The following BAIAP2L1 variants were observed in gnomAD, a reference collection of about 807,000 sequenced individuals.
The protein encoded by BAIAP2L1 is BAR/IMD domain-containing adapter protein 2-like 1.
BAIAP2L1 carries 35 observed loss-of-function variants against 66.3 expected under a neutral mutation model. The ratio of observed to expected loss-of-function variants is 0.53; its 90% CI spans 0.40 to 0.70. BAIAP2L1 has a LOEUF of 0.70. BAIAP2L1 is among the 30% of genes least tolerant of loss of function. BAIAP2L1 has a pLI of 0.00. For synonymous variants in BAIAP2L1, 269 were observed against 248.7 expected, an observed-to-expected ratio of 1.08 and a Z score of -0.77; for missense variants, 622 against 656.9, an observed-to-expected ratio of 0.95 and a Z score of 0.58.
At chr7:98,353,598 T>C (rs1172518826) in intron 3 of BAIAP2L1, among the ~76,000 whole-genome samples, 1 of 137,500 alleles carries the variant, frequency 7.3e-6, no homozygotes, top group Non-Finnish European at 1.5e-5. Context: ...TTTATATATG[T>C]ATATTATATG....
chr7:98,367,115 C>T (rs1248135005), intron 1 of BAIAP2L1, among the ~76,000 whole-genome samples: 2 of 150,866 alleles, frequency 1.3e-5, no homozygotes, highest in African/African-American at 4.9e-5. Context: ...CTGGTCTGTC[C>T]ACAGCTGTTA....
At chr7:98,372,164 T>G (rs1295844546) in intron 1 of BAIAP2L1, among the ~76,000 whole-genome samples, 2 of 151,770 alleles carry the variant, frequency 1.3e-5, no homozygotes, top group African/African-American at 4.8e-5. Context: ...CCCAGCACTT[T>G]GGGAGGCAAG....
chr7:98,393,824 G>A (rs1459021709), intron 1 of BAIAP2L1, among the ~76,000 whole-genome samples: 6 of 149,212 alleles, frequency 4.0e-5, no homozygotes, highest in African/African-American at 1.5e-4. Context: ...TTTGGACCAG[G>A]CGCAGTGAGG....
intron 3 of BAIAP2L1, among the ~76,000 whole-genome samples, chr7:98,327,766 T>C (rs1351665485): frequency 1.3e-5 from 2 of 152,228 alleles, no homozygotes; most frequent in Non-Finnish European, 2.9e-5. Context: ...CAATTCTTTA[T>C]TGCACTACTA....
chr7:98,387,395 G>A (rs1016489599), intron 1 of BAIAP2L1, among the ~76,000 whole-genome samples: 2 of 152,130 alleles, frequency 1.3e-5, no homozygotes, highest in African/African-American at 2.4e-5. Flanking sequence ...AGCTCAGCCC[G>A]TACCTAACAG....
At chr7:98,353,514 T>C (rs997240646) in intron 3 of BAIAP2L1, among the ~76,000 whole-genome samples, 5 of 135,122 alleles carry the variant, frequency 3.7e-5, no homozygotes, top group Non-Finnish European at 7.7e-5. Context: ...ATATTATAAA[T>C]ACACATATAT....
At chr7:98,336,412 G>C (rs750652992) in intron 3 of BAIAP2L1, among the ~76,000 whole-genome samples, 5 of 152,126 alleles carry the variant, frequency 3.3e-5, no homozygotes, top group South Asian at 2.1e-4. Flanking sequence ...TCAGGAGTTC[G>C]AGACCAGCCT....
rs534383514 is a variant in BAIAP2L1, at chr7:98,346,912, G to A, written c.214+8130C>T. On this transcript the variant is annotated intron_variant, in intron 3 of 13. Transcript: ENST00000005260. ...GGATGAACGGCCACAGGAACTGAGT[G>A]AGGCCAAAACTTACCAACATAATTG... Among the ~76,000 whole-genome samples, 20 of 152,280 alleles carry A rather than the reference G, an allele frequency of 1.3e-4. No homozygotes were observed. In the South Asian group the frequency reaches 4.2e-3, roughly 32 times the overall value.
intron 3 of BAIAP2L1, among the ~76,000 whole-genome samples, chr7:98,325,249 G>T (rs1391985545): frequency 6.6e-6 from 1 of 152,108 alleles, no homozygotes; most frequent in African/African-American, 2.4e-5. Flanking sequence ...TGGGCATGGT[G>T]GCAGGTGCCT....
intron 3 of BAIAP2L1, among the ~76,000 whole-genome samples, chr7:98,326,149 T>A (rs1801377219): frequency 6.6e-6 from 1 of 152,110 alleles, no homozygotes; most frequent in Non-Finnish European, 1.5e-5. Flanking sequence ...TGGTGGTGTG[T>A]GCCTGTGGTC....
At chr7:98,329,954 C>G (rs1801455864) in intron 3 of BAIAP2L1, among the ~76,000 whole-genome samples, 1 of 152,170 alleles carries the variant, frequency 6.6e-6, no homozygotes, top group African/African-American at 2.4e-5. Flanking sequence ...CCAAAGACAA[C>G]AGCAGCGAGA....
chr7:98,386,465 A>G, intron 1 of BAIAP2L1: 1 of 1,597,414 alleles, frequency 6.3e-7, no homozygotes, highest in Non-Finnish European at 8.5e-7. Flanking sequence ...TATTTCTTAT[A>G]CTGAACATAG....
chr7:98,326,709 G>A (rs1435771803), intron 3 of BAIAP2L1, among the ~76,000 whole-genome samples: 1 of 152,190 alleles, frequency 6.6e-6, no homozygotes, highest in Non-Finnish European at 1.5e-5. Flanking sequence ...ATCAGTAAAT[G>A]AAGAGGGAGT....
intron 1 of BAIAP2L1, among the ~76,000 whole-genome samples, chr7:98,374,258 T>A (rs1002082197): frequency 5.9e-5 from 9 of 152,142 alleles, no homozygotes; most frequent in Non-Finnish European, 1.5e-5. Context: ...CCTAGAACAT[T>A]TATGTCATTA....
intron 2 of BAIAP2L1, among the ~76,000 whole-genome samples, chr7:98,357,041 ATATATATATTTTTT>A (rs1394441213): frequency 2.0e-3 from 35 of 17,598 alleles, no homozygotes; most frequent in African/African-American, 6.1e-3. Context: ...ATATATATAT[ATATATATATTTTTT>A]TTTTTTTTTT....
intron 5 of BAIAP2L1, 60 bp downstream of exon 5, chr7:98,319,998 T>TCCCCAGGCTGGGAGGTCAGGCAG: frequency 7.2e-7 from 1 of 1,393,686 alleles, no homozygotes; most frequent in Non-Finnish European, 1.0e-6. Context: ...GAACGAGTTC[T>TCCCCAGGCTGGGAGGTCAGGCAG]CCCCAGGCTG....
intron 1 of BAIAP2L1, among the ~76,000 whole-genome samples, chr7:98,371,514 T>C (rs1802510401): frequency 6.6e-6 from 1 of 152,226 alleles, no homozygotes; most frequent in South Asian, 2.1e-4. Flanking sequence ...ACCAGATTTC[T>C]AGCTGCCCTG....
intron 3 of BAIAP2L1, among the ~76,000 whole-genome samples, chr7:98,339,723 C>G (rs1442632271): frequency 6.6e-6 from 1 of 152,254 alleles, no homozygotes; most frequent in African/African-American, 2.4e-5. Context: ...TCTTGGCATG[C>G]TCTCAACCCC....
chr7:98,347,196 T>G (rs1289057413), intron 3 of BAIAP2L1, among the ~76,000 whole-genome samples: 1 of 152,182 alleles, frequency 6.6e-6, no homozygotes, highest in Non-Finnish European at 1.5e-5. Context: ...TAAGCCCTAT[T>G]TACACCACTC....
Sources: gnomAD v4.1 joint callset for allele counts (sites outside exome capture counted in the v4.1 genomes callset) on GRCh38, gnomAD v4.1.1 for gene constraint, MANE v1.5 for transcripts, NCBI Gene and HGNC (gene_info 2026-07-23, HGNC 2026-07-21) for gene names.